PIAS1: variants seen among roughly 807,000 people sequenced by gnomAD.
PIAS1 encodes the protein protein inhibitor of activated STAT 1.
Under a neutral mutation model 71.3 loss-of-function variants are expected in PIAS1, and 6 were observed. The observed-to-expected ratio is 0.08, with a 90% CI of 0.05 to 0.17. The LOEUF is 0.17. PIAS1 is among the 10% of genes least tolerant of loss of function. The pLI, the probability that PIAS1 is intolerant of heterozygous loss-of-function variation, is 1.00. For synonymous variants in PIAS1, 303 were observed against 292.9 expected (o/e 1.03, Z -0.35); for missense variants, 555 against 793.6 (o/e 0.70, Z 3.61).
rs1242849818 is a variant in PIAS1 at position 68,171,116 on chromosome 15, TACTTTTTAA to T, written c.1009-2608_1009-2600del. Reference sequence around the variant, plus strand: ...TTTAACATTTTTTACTTTTATTTTCTACTTTTTAAACTTTTTTGTTAAAAACAAAGACAC... The same window carrying T: ...TTTAACATTTTTTACTTTTATTTTCTACTTTTTTGTTAAAAACAAAGACAC... On this transcript the variant is annotated intron_variant, in intron 8 of 13. Transcript: ENST00000249636. This position sits in a 1 kb window ranked among gnomAD's most constrained non-coding sequence, Gnocchi z 4.4. Among the ~76,000 whole-genome samples, 8 of 152,242 alleles carry T rather than the reference TACTTTTTAA, an allele frequency of 5.3e-5. No homozygotes were observed. Among genetic ancestry groups the T allele is most frequent in the Admixed American group, 5.2e-4 (8 of 15,280 alleles).
chr15:68,152,507 A>T (rs1049048729), intron 6 of PIAS1, among the ~76,000 whole-genome samples: 1 of 152,110 alleles, frequency 6.6e-6, no homozygotes, highest in South Asian at 2.1e-4. Flanking sequence ...CTGCTCTGTC[A>T]TCAAGCAGTT....
At chr15:68,065,204 T>A (rs1173058109) in intron 1 of PIAS1, among the ~76,000 whole-genome samples, 1 of 152,180 alleles carries the variant, frequency 6.6e-6, no homozygotes, top group Non-Finnish European at 1.5e-5. Flanking sequence ...TGATCTTTTT[T>A]AAAATTTAAA....
At chr15:68,078,482 T>C (rs1022650309) in intron 1 of PIAS1, among the ~76,000 whole-genome samples, 3 of 152,250 alleles carry the variant, frequency 2.0e-5, no homozygotes, top group African/African-American at 7.2e-5. Context: ...CTCTAAAATA[T>C]GCATTTATTC....
intron 1 of PIAS1, among the ~76,000 whole-genome samples, chr15:68,066,605 A>C (rs2092030411): frequency 6.6e-6 from 1 of 152,138 alleles, no homozygotes; most frequent in South Asian, 2.1e-4. Flanking sequence ...TAGAAATTGT[A>C]AGACTCTGAA....
chr15:68,108,280 A>G (rs186880981), intron 2 of PIAS1, among the ~76,000 whole-genome samples: 15 of 152,262 alleles, frequency 9.9e-5, no homozygotes, highest in Admixed American at 2.0e-4. Context: ...TCTCTTGTCA[A>G]GAACACCTGT....
At chr15:68,140,707 TGGAAGTTGTAAA>T (rs2092764390) in intron 2 of PIAS1, among the ~76,000 whole-genome samples, 1 of 152,208 alleles carries the variant, frequency 6.6e-6, no homozygotes, top group Non-Finnish European at 1.5e-5. Flanking sequence ...GCAGTTTGGT[TGGAAGTTGTAAA>T]GGAAGTGTTT....
intron 2 of PIAS1, among the ~76,000 whole-genome samples, chr15:68,112,656 C>A (rs2092532104): frequency 6.6e-6 from 1 of 152,076 alleles, no homozygotes; most frequent in Non-Finnish European, 1.5e-5. Context: ...TCTAGAAAGT[C>A]AAAGAAATGC....
At chr15:68,100,082 G>T in intron 2 of PIAS1, among the ~76,000 whole-genome samples, 1 of 143,498 alleles carries the variant, frequency 7.0e-6, no homozygotes, top group Non-Finnish European at 1.5e-5. Flanking sequence ...CCAGTCTGTA[G>T]CTTGTATTTC....
chr15:68,057,610 T>C (rs2140949479), intron 1 of PIAS1: 1 of 321,934 alleles, frequency 3.1e-6, no homozygotes, highest in East Asian at 1.1e-4. Context: ...ATTTTCTGCC[T>C]CTTTATTTTC....
At chr15:68,170,689 G>A (rs1025177239) in intron 8 of PIAS1, among the ~76,000 whole-genome samples, 12 of 152,014 alleles carry the variant, frequency 7.9e-5, no homozygotes, top group Non-Finnish European at 1.8e-4. Flanking sequence ...CACCCAGGCC[G>A]GAGTGCACTG....
rs145150638 is a variant in PIAS1 at position 68,090,893 on chromosome 15, A to G, written c.469+4143A>G. Among the ~76,000 whole-genome samples the G allele has an allele frequency of 4.1e-3, 619 of 150,412 alleles. 1 individual carries two copies. The highest frequency in any genetic ancestry group is 7.0e-3 in the Non-Finnish European group (475 of 67,726). ...TACTTTACAGATAAACTTTTAAAAT[A>G]CTTCTGTGGTATTCTTTTTGTTAGT... On this transcript the variant is annotated intron_variant, in intron 2 of 13. Coordinates refer to ENST00000249636, the MANE Select transcript of PIAS1 (RefSeq NM_016166.3).
chr15:68,138,340 TGAC>T lies in PIAS1; in HGVS notation c.470-3605_470-3603del, dbSNP rs573157043. Among the ~76,000 whole-genome samples, 24 of 152,232 alleles carry T rather than the reference TGAC, an allele frequency of 1.6e-4. No homozygotes were observed. The South Asian group carries it at 4.6e-3, about 29-fold the overall frequency. On this transcript the variant is annotated intron_variant, in intron 2 of 13. Coordinates refer to ENST00000249636, the MANE Select transcript of PIAS1 (RefSeq NM_016166.3). ...TGGTACACTACCACTCCTATTTCATTGACCAAGGGTAATGTCCATGGCCCTGAA... is the reference window on the plus strand; with the variant it reads ...TGGTACACTACCACTCCTATTTCATTCAAGGGTAATGTCCATGGCCCTGAA...
intron 11 of PIAS1, among the ~76,000 whole-genome samples, chr15:68,179,430 C>T (rs2093038763): frequency 6.6e-6 from 1 of 151,910 alleles, no homozygotes; most frequent in African/African-American, 2.4e-5. Context: ...ACAAAGTTTC[C>T]ATTAGATGAA....
At position 68,129,296 on chromosome 15, in the gene PIAS1, G is replaced by T. The variant is rs1379100240; in HGVS notation, c.470-12650G>T. Among the ~76,000 whole-genome samples, 11 of 152,134 alleles carry T rather than the reference G, an allele frequency of 7.2e-5. No individual in the cohort carries two copies. In the South Asian group the frequency reaches 2.3e-3, roughly 32 times the overall value. On this transcript the variant is annotated intron_variant, in intron 2 of 13. Transcript: ENST00000249636. Reference sequence around the variant, plus strand: ...TTGCCCAGGCTGCTCTCAAATTCCTGGCCTCAAGTGATCCTTCTGCCTCAG... The same window carrying T: ...TTGCCCAGGCTGCTCTCAAATTCCTTGCCTCAAGTGATCCTTCTGCCTCAG...
intron 12 of PIAS1, chr15:68,181,826 C>T (rs2093054904): frequency 6.3e-6 from 1 of 157,504 alleles, no homozygotes; most frequent in Admixed American, 6.1e-5. Context: ...ATTATAGGCG[C>T]CCACTACCAC....
intron 4 of PIAS1, among the ~76,000 whole-genome samples, chr15:68,143,292 A>G (rs1034886578): frequency 7.2e-5 from 11 of 152,106 alleles, no homozygotes; most frequent in African/African-American, 2.2e-4. Flanking sequence ...ACAAGTTACA[A>G]ATACACTAGG....
intron 2 of PIAS1, among the ~76,000 whole-genome samples, chr15:68,135,599 G>A (rs1386025255): frequency 1.6e-5 from 1 of 61,612 alleles, no homozygotes; most frequent in Non-Finnish European, 5.2e-5. Context: ...CTCCCGGACG[G>A]GGTGGCTGGC....
intron 2 of PIAS1, among the ~76,000 whole-genome samples, chr15:68,106,922 A>G (rs182204489): frequency 3.9e-5 from 6 of 152,278 alleles, no homozygotes; most frequent in African/African-American, 1.4e-4. Flanking sequence ...GTTGGGTTAT[A>G]TTTAGGGGCC....
At position 68,167,923 on chromosome 15, in the gene PIAS1, T is replaced by G. The variant is rs1207418336; in HGVS notation, c.1008+3119T>G. 2.6e-5 allele frequency among the ~76,000 whole-genome samples: 4 copies of G among 152,076 alleles called. No homozygotes were observed. Among genetic ancestry groups the G allele is most frequent in the Admixed American group, 2.6e-4 (4 of 15,264 alleles). Reference sequence around the variant, plus strand: ...GGTTTCACCATGTTGGCCAGGCTGGTCTCAAACTCCTGACCTCAGGTGATC... The same window carrying G: ...GGTTTCACCATGTTGGCCAGGCTGGGCTCAAACTCCTGACCTCAGGTGATC... On this transcript the variant is annotated intron_variant, in intron 8 of 13. Coordinates refer to ENST00000249636, the MANE Select transcript of PIAS1 (RefSeq NM_016166.3). This position sits in a 1 kb window ranked among gnomAD's most constrained non-coding sequence, Gnocchi z 4.4.
Sources: allele counts gnomAD v4.1 joint callset (sites outside exome capture counted in the v4.1 genomes callset), GRCh38; gene constraint gnomAD v4.1.1; non-coding constraint Gnocchi (gnomAD v3.1); transcripts MANE v1.5; gene names NCBI Gene and HGNC (gene_info 2026-07-23, HGNC 2026-07-21).